ATP8A1: variants seen among roughly 807,000 people sequenced by gnomAD.
ATP8A1 encodes ATPase phospholipid transporting 8A1.
A neutral mutation model predicts 177.7 loss-of-function variants in ATP8A1; 90 were observed. The ratio of observed to expected loss-of-function variants is 0.51; its 90% CI spans 0.43 to 0.60. The LOEUF (loss-of-function observed/expected upper bound fraction) is 0.60, where lower values mean the gene tolerates loss of function less well. Ranked by LOEUF, ATP8A1 falls within the 20% of genes least tolerant of loss-of-function variation. The pLI is 0.00. For synonymous variants in ATP8A1, 493 were observed against 485.9 expected (o/e 1.01, Z -0.19); for missense variants, 1,072 against 1,392.8 (o/e 0.77, Z 3.67).
At chr4:42,639,574 A>T (rs1385956147) in intron 1 of ATP8A1, among the ~76,000 whole-genome samples, 1 of 152,194 alleles carries the variant, frequency 6.6e-6, no homozygotes, top group Non-Finnish European at 1.5e-5. Context: ...TTTAAGAGGG[A>T]AAAAAAGAAA....
chr4:42,473,585 CT>C (rs1426318030), intron 25 of ATP8A1, among the ~76,000 whole-genome samples: 1 of 152,006 alleles, frequency 6.6e-6, no homozygotes, highest in East Asian at 1.9e-4. Flanking sequence ...CCTGTGATCT[CT>C]TTTCCTATGA....
Position 42,551,209 on chromosome 4 carries a change from T to C in ATP8A1, c.1591A>G (p.Ile531Val). 3 of 1,613,246 alleles carry C rather than the reference T, an allele frequency of 1.9e-6. No homozygotes were observed. The highest frequency in any genetic ancestry group is 2.5e-6 in the Non-Finnish European group (3 of 1,179,312). ...AACAACTAACTTACTGAATCTATAA[T>C]CACCGAGTCGGGTGTTCTTCCAGTG... is the stretch of plus-strand genomic sequence containing the variant. Reference protein sequence around the residue: ...VFTGRTPDSVIIDSLGQEERY... With the variant: ...VFTGRTPDSVVIDSLGQEERY... The change falls in exon 18 of 37, where the codon ATT becomes GTT. Residue 531 changes from isoleucine (I) to valine (V), a missense_variant. This residue lies in a region of ATP8A1 where 388 missense variants were observed against 471.7 expected (regional missense o/e 0.82). Transcript: ENST00000381668.
At chr4:42,493,736 T>C (rs544259889) in intron 24 of ATP8A1, among the ~76,000 whole-genome samples, 3 of 152,282 alleles carry the variant, frequency 2.0e-5, no homozygotes, top group South Asian at 4.1e-4. Flanking sequence ...TGAATCACAT[T>C]TTTCTCATTC....
chr4:42,447,197 T>TA (rs1194436096), intron 30 of ATP8A1, among the ~76,000 whole-genome samples: 1 of 152,066 alleles, frequency 6.6e-6, no homozygotes, highest in Non-Finnish European at 1.5e-5. Flanking sequence ...TATTTATTTA[T>TA]TTTTTTTAGA....
chr4:42,578,191 C>A, intron 12 of ATP8A1, 69 bp downstream of exon 12: 1 of 1,401,346 alleles, frequency 7.1e-7, no homozygotes, highest in Non-Finnish European at 9.5e-7. Flanking sequence ...CTTTTTTCTC[C>A]TGAGATATCA....
At chr4:42,466,027 G>A (rs1224845318) in intron 25 of ATP8A1, among the ~76,000 whole-genome samples, 35 of 80,812 alleles carry the variant, frequency 4.3e-4, no homozygotes, top group Admixed American at 1.7e-3. Flanking sequence ...GCAAGACTCC[G>A]TCTCAAAAAA....
At chr4:42,614,567 G>T (rs1736711663) in intron 5 of ATP8A1, among the ~76,000 whole-genome samples, 1 of 151,932 alleles carries the variant, frequency 6.6e-6, no homozygotes. Context: ...TGTTCATTCT[G>T]CCTTCCATCT....
In ATP8A1 at chr4:42,437,310, G is replaced by T. The variant is rs1046399482; in HGVS notation, c.3123+6255C>A. Among the ~76,000 whole-genome samples the T allele has an allele frequency of 9.2e-5, 14 of 152,120 alleles. No homozygotes were observed. In the East Asian group the frequency reaches 2.7e-3, roughly 29 times the overall value. On this transcript the variant is annotated intron_variant, in intron 33 of 36. Transcript: ENST00000381668. ...CTCCTAGAAATTCAAAAAATACTCA[G>T]TAACATCATTTAGACGAGTCGGAAA...
chr4:42,424,849 A>G (rs1263905500), intron 33 of ATP8A1, among the ~76,000 whole-genome samples: 1 of 152,248 alleles, frequency 6.6e-6, no homozygotes. Flanking sequence ...ATACTTTTAA[A>G]ATAAAAACAT....
At chr4:42,435,025 G>A (rs1231289968) in intron 33 of ATP8A1, among the ~76,000 whole-genome samples, 1 of 152,174 alleles carries the variant, frequency 6.6e-6, no homozygotes, top group Non-Finnish European at 1.5e-5. Flanking sequence ...AAAGTAACTT[G>A]CTTTGGATGA....
intron 6 of ATP8A1, among the ~76,000 whole-genome samples, chr4:42,599,611 TACAAGATGACCATG>T (rs1735049133): frequency 6.6e-6 from 1 of 152,118 alleles, no homozygotes. Flanking sequence ...CCTGCAGAAA[TACAAGATGACCATG>T]ACAAGGTAGA....
intron 6 of ATP8A1, among the ~76,000 whole-genome samples, chr4:42,596,601 A>G (rs1392295694): frequency 7.1e-6 from 1 of 141,520 alleles, no homozygotes; most frequent in African/African-American, 2.6e-5. Context: ...CAGGAGGTGG[A>G]GGTTGCAGTG....
chr4:42,574,495 G>T lies in ATP8A1; in HGVS notation c.1295+124C>A, dbSNP rs1732229044. 5.8e-5 allele frequency: 42 copies of T among 722,442 alleles called. 1 individual carries two copies. In the South Asian group the frequency reaches 7.5e-4, roughly 13 times the overall value. The allele number at this position is 722,442 out of a possible 1,614,324, so 44.8% of individuals were successfully genotyped here. ...CATGTGTCCTAAAATTATAACAGCTGCTTTTCAGACTAAAAAAAACCAAAC... is the reference window on the plus strand; with the variant it reads ...CATGTGTCCTAAAATTATAACAGCTTCTTTTCAGACTAAAAAAAACCAAAC... On this transcript the variant is annotated intron_variant, in intron 14 of 36. Transcript: ENST00000381668.
intron 21 of ATP8A1, among the ~76,000 whole-genome samples, chr4:42,524,074 AC>A (rs1169276232): frequency 1.3e-5 from 2 of 152,196 alleles, no homozygotes; most frequent in Non-Finnish European, 2.9e-5. Flanking sequence ...AGATAAGACT[AC>A]AAATTCTTGT....
At chr4:42,537,546 C>T (rs1727975766) in intron 20 of ATP8A1, among the ~76,000 whole-genome samples, 1 of 152,128 alleles carries the variant, frequency 6.6e-6, no homozygotes, top group South Asian at 2.1e-4. Context: ...GCTCCTAGAA[C>T]TGGTAAATGA....
intron 4 of ATP8A1, among the ~76,000 whole-genome samples, chr4:42,622,846 C>T (rs1300799598): frequency 6.6e-6 from 1 of 151,980 alleles, no homozygotes; most frequent in Non-Finnish European, 1.5e-5. Context: ...CCTGTCAGTA[C>T]TAATAATACA....
intron 18 of ATP8A1, 96 bp from the exon 19 acceptor site, chr4:42,549,158 C>T (rs1729229287): frequency 1.1e-6 from 1 of 946,592 alleles, no homozygotes; most frequent in Non-Finnish European, 1.6e-6. Flanking sequence ...GTAAAAAATG[C>T]CAACACAAAC....
rs138990948 is a variant in ATP8A1 at position 42,553,514 on chromosome 4, A to G, written c.1414-904T>C. Among the ~76,000 whole-genome samples the G allele has an allele frequency of 2.3e-4, 35 of 152,348 alleles. 1 individual carries two copies. The highest frequency in any genetic ancestry group is 7.2e-4 in the African/African-American group (30 of 41,584). On this transcript the variant is annotated intron_variant, in intron 16 of 36. Coordinates refer to ENST00000381668, the MANE Select transcript of ATP8A1 (RefSeq NM_006095.2). ...TTTCTGCACGGAGCTTAGGGTTTAT[A>G]GGAGAGAAGCCAGATATTTTAAATT...
rs1219200567 is a variant in ATP8A1, at chr4:42,555,138, TAATCTATCTATCTATC to T, written c.1413+814_1413+829del. On this transcript the variant is annotated intron_variant, in intron 16 of 36. Transcript: ENST00000381668. ...CTATCTATCTATCTATCTATCTATC[TAATCTATCTATCTATC>T]TATCTATCTATCTATCTATCTATCT... is the stretch of plus-strand genomic sequence containing the variant. Among the ~76,000 whole-genome samples, 396 of 76,772 alleles carry T rather than the reference TAATCTATCTATCTATC, an allele frequency of 5.2e-3. 6 individuals carry two copies. Among genetic ancestry groups the T allele is most frequent in the Middle Eastern group, 0.012 (2 of 164 alleles). 50.4% of individuals were successfully genotyped at this position (76,772 alleles called of 152,430 possible).
Sources: gnomAD v4.1 joint callset for allele counts (sites outside exome capture counted in the v4.1 genomes callset) on GRCh38, gnomAD v4.1.1 for gene constraint, gnomAD v4.1.1 regional missense constraint, MANE v1.5 for transcripts, NCBI Gene and HGNC (gene_info 2026-07-23, HGNC 2026-07-21) for gene names.